TRAPPC9: variants seen among roughly 807,000 people sequenced by gnomAD.
TRAPPC9 encodes the protein IKK2 binding protein.
In TRAPPC9, 83 loss-of-function variants were observed where a neutral mutation model predicts 124.0. The observed-to-expected ratio is 0.67, with a 90% CI of 0.56 to 0.80. The LOEUF is 0.80. TRAPPC9 is among the 30% of genes least tolerant of loss of function. The pLI, the probability that TRAPPC9 is intolerant of heterozygous loss-of-function variation, is 0.00. For missense variants in TRAPPC9, 1,302 were observed against 1,508.3 expected (o/e 0.86, Z 2.27); for synonymous variants, 638 against 617.5 (o/e 1.03, Z -0.49).
At chr8:140,107,105 C>T (rs2060680734) in intron 17 of TRAPPC9, among the ~76,000 whole-genome samples, 1 of 152,092 alleles carries the variant, frequency 6.6e-6, no homozygotes, top group Non-Finnish European at 1.5e-5. Context: ...CAAAGAAGTC[C>T]TTGGCCAAAA....
chr8:140,422,508 C>A (rs2070254107), intron 5 of TRAPPC9, among the ~76,000 whole-genome samples: 1 of 152,082 alleles, frequency 6.6e-6, no homozygotes, highest in African/African-American at 2.4e-5. Context: ...AATCCCAACA[C>A]TTTGGGAGGC....
At chr8:140,435,064 AT>A (rs765851425) in intron 4 of TRAPPC9, 47 bp downstream of exon 4, 22 of 1,613,826 alleles carry the variant, frequency 1.4e-5, no homozygotes, top group Non-Finnish European at 1.6e-5. Flanking sequence ...AGTCTGCTTT[AT>A]TTAAAGACTG....
chr8:140,011,995 A>G (rs1438609023), intron 18 of TRAPPC9, among the ~76,000 whole-genome samples: 1 of 152,118 alleles, frequency 6.6e-6, no homozygotes, highest in Non-Finnish European at 1.5e-5. Context: ...CATTTTTAGT[A>G]GAGATGGGGT....
intron 7 of TRAPPC9, among the ~76,000 whole-genome samples, chr8:140,394,224 GC>G (rs2069021234): frequency 6.6e-6 from 1 of 152,202 alleles, no homozygotes; most frequent in South Asian, 2.1e-4. Flanking sequence ...TCAAAGCCCT[GC>G]CCCCAGCTCC....
rs1587262129 is a variant in TRAPPC9, at chr8:139,932,665, G to C, written c.2811-22365C>G. The C allele has an allele frequency of 1.5e-5, 6 of 387,462 alleles. No homozygotes were observed. The East Asian group carries it at 4.3e-4, about 28-fold the overall frequency. 24.0% of individuals were successfully genotyped at this position (387,462 alleles called of 1,614,324 possible). On this transcript the variant is annotated intron_variant, in intron 19 of 22. Transcript: ENST00000438773. ...TGTAGTCCCAGCTACGTGGGAGGCTGAGGCACGAGAATTGCCTGAACCCCA... is the reference window on the plus strand; with the variant it reads ...TGTAGTCCCAGCTACGTGGGAGGCTCAGGCACGAGAATTGCCTGAACCCCA...
chr8:140,275,935 C>A, intron 14 of TRAPPC9, 114 bp from the exon 15 acceptor site: 1 of 860,358 alleles, frequency 1.2e-6, no homozygotes, highest in Admixed American at 2.2e-5. Context: ...GAAACAGGGG[C>A]TAGGAAATCT....
intron 5 of TRAPPC9, among the ~76,000 whole-genome samples, chr8:140,419,700 A>C (rs1451217268): frequency 6.6e-6 from 1 of 151,466 alleles, no homozygotes; most frequent in Non-Finnish European, 1.5e-5. Context: ...CCTGGCTAAC[A>C]CGGTGAAACC....
At chr8:140,414,852 C>G (rs930894955) in intron 5 of TRAPPC9, among the ~76,000 whole-genome samples, 7 of 152,092 alleles carry the variant, frequency 4.6e-5, no homozygotes, top group African/African-American at 1.7e-4. Flanking sequence ...AGCAATTCTC[C>G]TGCCTCAGCC....
rs35597120 is a variant in TRAPPC9, at chr8:140,278,110, A to ATT, written c.2115-2291_2115-2290dup. Among the ~76,000 whole-genome samples the ATT allele has an allele frequency of 5.1e-4, 76 of 147,838 alleles. 1 individual carries two copies. The highest frequency in any genetic ancestry group is 6.6e-4 in the Non-Finnish European group (44 of 66,944). On this transcript the variant is annotated intron_variant, in intron 14 of 22. Transcript: ENST00000438773. ...AAAAGTTTTTTCAAGACAGGGACAA[A>ATT]TTTTTTTTTTTTTGAGATAGTCTCG...
At chr8:139,968,897 C>T (rs555275330) in intron 19 of TRAPPC9, among the ~76,000 whole-genome samples, 23 of 152,192 alleles carry the variant, frequency 1.5e-4, no homozygotes, top group Non-Finnish European at 3.2e-4. Context: ...GTCTCTGCAG[C>T]CCAGAAGCTT....
chr8:140,263,579 T>C (rs1398214251), intron 15 of TRAPPC9, among the ~76,000 whole-genome samples: 1 of 152,194 alleles, frequency 6.6e-6, no homozygotes, highest in African/African-American at 2.4e-5. Context: ...CAGGAGGAAC[T>C]AGGATTTACC....
intron 17 of TRAPPC9, among the ~76,000 whole-genome samples, chr8:140,072,281 C>G (rs1194750344): frequency 6.6e-6 from 1 of 152,142 alleles, no homozygotes; most frequent in Non-Finnish European, 1.5e-5. Flanking sequence ...ATGCCGTAAT[C>G]CTAGCACTTT....
At chr8:140,393,800 T>C (rs1473079309) in intron 7 of TRAPPC9, among the ~76,000 whole-genome samples, 1 of 152,190 alleles carries the variant, frequency 6.6e-6, no homozygotes, top group Non-Finnish European at 1.5e-5. Context: ...TCAGAAAAAC[T>C]ACAGACCCCT....
intron 17 of TRAPPC9, among the ~76,000 whole-genome samples, chr8:140,152,769 G>A (rs577995318): frequency 2.0e-5 from 3 of 152,088 alleles, no homozygotes; most frequent in East Asian, 3.9e-4. Flanking sequence ...TTTTTATGGT[G>A]GTCAGTTTAC....
At chr8:140,131,805 C>T (rs1197123781) in intron 17 of TRAPPC9, among the ~76,000 whole-genome samples, 1 of 152,320 alleles carries the variant, frequency 6.6e-6, no homozygotes, top group South Asian at 2.1e-4. Flanking sequence ...AACATCTCAC[C>T]GACTTCAAGG....
intron 18 of TRAPPC9, among the ~76,000 whole-genome samples, chr8:140,015,653 A>G (rs1276098479): frequency 6.6e-6 from 1 of 151,228 alleles, no homozygotes; most frequent in Non-Finnish European, 1.5e-5. Flanking sequence ...AAAAATAAAA[A>G]AAAAATAAGC....
At chr8:140,201,618 T>C (rs1053799289) in intron 17 of TRAPPC9, among the ~76,000 whole-genome samples, 4 of 152,228 alleles carry the variant, frequency 2.6e-5, no homozygotes, top group African/African-American at 9.6e-5. Context: ...TTATATCTCA[T>C]TGTCATTCAT....
At chr8:140,428,948 G>GC (rs2070527351) in intron 4 of TRAPPC9, among the ~76,000 whole-genome samples, 1 of 152,050 alleles carries the variant, frequency 6.6e-6, no homozygotes, top group Admixed American at 6.5e-5. Context: ...TTCCACACTG[G>GC]CCAACCCCCT....
At chr8:140,407,652 G>A (rs1342339591) in intron 5 of TRAPPC9, among the ~76,000 whole-genome samples, 1 of 152,114 alleles carries the variant, frequency 6.6e-6, no homozygotes, top group African/African-American at 2.4e-5. Flanking sequence ...CACCCAGGCT[G>A]GAGTGCAGTG....
Sources: allele counts gnomAD v4.1 joint callset (sites outside exome capture counted in the v4.1 genomes callset), GRCh38; gene constraint gnomAD v4.1.1; transcripts MANE v1.5; gene names NCBI Gene and HGNC (gene_info 2026-07-23, HGNC 2026-07-21).